Variants in TAFA2 observed in about 807,000 individuals in gnomAD.
The protein encoded by TAFA2 is TAFA chemokine like family member 2.
A neutral mutation model predicts 18.8 loss-of-function variants in TAFA2; 7 were observed. The ratio of observed to expected loss-of-function variants is 0.37; its 90% CI spans 0.21 to 0.70. The LOEUF (loss-of-function observed/expected upper bound fraction) is 0.70. Ranked by LOEUF, TAFA2 falls within the 30% of genes least tolerant of loss-of-function variation. The pLI is 0.53. For synonymous variants in TAFA2, 60 were observed against 54.2 expected (o/e 1.11, Z -0.47); for missense variants, 122 against 158.1 (o/e 0.77, Z 1.23).
At chr12:61,929,757 A>C (rs1187332210) in intron 1 of TAFA2, among the ~76,000 whole-genome samples, 2 of 152,088 alleles carry the variant, frequency 1.3e-5, no homozygotes, top group Non-Finnish European at 2.9e-5. Flanking sequence ...AACCAACCCA[A>C]ATGTCCAACA....
chr12:62,202,577 C>A (rs552153560), intron 1 of TAFA2, among the ~76,000 whole-genome samples: 1 of 152,110 alleles, frequency 6.6e-6, no homozygotes, highest in African/African-American at 2.4e-5. Context: ...CTGCTTTGGC[C>A]TCCCAAAGTG....
At chr12:62,242,392 T>G (rs1269625423) in intron 1 of TAFA2, 1 of 152,080 alleles carries the variant, frequency 6.6e-6, no homozygotes, top group African/African-American at 2.4e-5. Context: ...GGCTCAGCAG[T>G]GATAGATATT....
chr12:62,212,909 G>C (rs115684138), intron 1 of TAFA2, among the ~76,000 whole-genome samples: 4 of 152,220 alleles, frequency 2.6e-5, no homozygotes, highest in African/African-American at 9.6e-5. Context: ...ATTAACAGAA[G>C]ATTAAAACTT....
chr12:61,938,378 G>A (rs2121412969), intron 1 of TAFA2, among the ~76,000 whole-genome samples: 1 of 152,008 alleles, frequency 6.6e-6, no homozygotes, highest in Non-Finnish European at 1.5e-5. Flanking sequence ...TTGTTATGCA[G>A]GTAAACTGCA....
intron 1 of TAFA2, among the ~76,000 whole-genome samples, chr12:61,906,497 T>A (rs897256634): frequency 2.6e-5 from 4 of 152,226 alleles, no homozygotes; most frequent in African/African-American, 9.6e-5. Flanking sequence ...TCCTTTAAAC[T>A]TCCTTTCCTT....
intron 1 of TAFA2, among the ~76,000 whole-genome samples, chr12:62,174,768 T>A (rs190769028): frequency 2.6e-5 from 4 of 152,312 alleles, no homozygotes; most frequent in Admixed American, 1.3e-4. Flanking sequence ...CTAAATATTA[T>A]CAAAATCTTC....
At chr12:61,826,121 CTGA>C (rs1872528444) in intron 2 of TAFA2, among the ~76,000 whole-genome samples, 1 of 152,046 alleles carries the variant, frequency 6.6e-6, no homozygotes, top group Admixed American at 6.6e-5. Flanking sequence ...TGAGTTATTT[CTGA>C]TGATGAGTGT....
intron 1 of TAFA2, among the ~76,000 whole-genome samples, chr12:62,088,910 C>CTG (rs143609708): frequency 0.076 from 11,373 of 150,474 alleles, 457 homozygotes; most frequent in South Asian, 0.099. Context: ...CTCTCTATCT[C>CTG]TGTGTGTGTG....
chr12:61,986,158 CTTTTTTT>C (rs551223452), intron 1 of TAFA2, among the ~76,000 whole-genome samples: 4 of 65,838 alleles, frequency 6.1e-5, no homozygotes, highest in African/African-American at 2.5e-4. Context: ...CTAAGCTCTT[CTTTTTTT>C]TTTTTTTTTT....
chr12:61,786,830 G>T (rs1351087659), intron 2 of TAFA2, among the ~76,000 whole-genome samples: 1 of 151,308 alleles, frequency 6.6e-6, no homozygotes, highest in African/African-American at 2.4e-5. Context: ...TTATAGATGT[G>T]CACTATATAC....
intron 1 of TAFA2, among the ~76,000 whole-genome samples, chr12:62,243,921 T>C (rs10437959): frequency 0.013 from 1,929 of 152,234 alleles, 44 homozygotes; most frequent in African/African-American, 0.044. Context: ...GGGACTACTC[T>C]AGCTCCCAGG....
intron 4 of TAFA2, among the ~76,000 whole-genome samples, chr12:61,741,304 A>G (rs533833477): frequency 0.012 from 1,755 of 150,532 alleles, 48 homozygotes; most frequent in African/African-American, 0.04. Flanking sequence ...GTGTGTGTGT[A>G]TGTGTCTCCA....
intron 1 of TAFA2, among the ~76,000 whole-genome samples, chr12:62,025,355 C>T (rs1449142171): frequency 6.6e-6 from 1 of 152,008 alleles, no homozygotes; most frequent in Non-Finnish European, 1.5e-5. Flanking sequence ...ACCTTAGCAT[C>T]ATACAATCTA....
At chr12:61,940,943 A>C (rs1877979032) in intron 1 of TAFA2, among the ~76,000 whole-genome samples, 1 of 152,186 alleles carries the variant, frequency 6.6e-6, no homozygotes. Context: ...GCCACTAGCT[A>C]TATGTGGCTA....
intron 2 of TAFA2, among the ~76,000 whole-genome samples, chr12:61,866,395 T>C (rs1170350410): frequency 6.6e-6 from 1 of 152,158 alleles, no homozygotes; most frequent in Non-Finnish European, 1.5e-5. Context: ...CCAGTCTTAA[T>C]TCCCCCTTCT....
chr12:62,249,248 G>A (rs2062900613), intron 1 of TAFA2, among the ~76,000 whole-genome samples: 1 of 144,988 alleles, frequency 6.9e-6, no homozygotes, highest in South Asian at 2.2e-4. Flanking sequence ...AACAACTTAG[G>A]GACTGCTCCC....
At chr12:62,031,600 T>A (rs574905638) in intron 1 of TAFA2, among the ~76,000 whole-genome samples, 2 of 152,254 alleles carry the variant, frequency 1.3e-5, no homozygotes, top group Non-Finnish European at 2.9e-5. Context: ...TTTTAGGGTG[T>A]AGGGCCAAGG....
chr12:62,114,096 C>T (rs1430826509), intron 1 of TAFA2, among the ~76,000 whole-genome samples: 1 of 152,206 alleles, frequency 6.6e-6, no homozygotes, highest in Non-Finnish European at 1.5e-5. Context: ...CAATTTTGTG[C>T]TTGAAACCCA....
chr12:62,102,666 A>T (rs1053752379), intron 1 of TAFA2, among the ~76,000 whole-genome samples: 1 of 152,246 alleles, frequency 6.6e-6, no homozygotes, highest in Non-Finnish European at 1.5e-5. Context: ...AGAGAACTCC[A>T]GAGCTACCTC....
Sources: gnomAD v4.1 joint callset for allele counts (sites outside exome capture counted in the v4.1 genomes callset) on GRCh38, gnomAD v4.1.1 for gene constraint, MANE v1.5 for transcripts, NCBI Gene and HGNC (gene_info 2026-07-23, HGNC 2026-07-21) for gene names.